The following RORB variants were observed in gnomAD, a reference collection of about 807,000 sequenced individuals.
RORB encodes nuclear receptor ROR-beta.
Under a neutral mutation model 59.1 loss-of-function variants are expected in RORB, and 6 were observed. The ratio of observed to expected loss-of-function variants is 0.10; its 90% CI spans 0.06 to 0.20. The LOEUF is 0.20. Among genes scored for constraint, RORB ranks in the 10% least tolerant of loss-of-function variants. RORB has a pLI of 1.00. For missense variants in RORB, 320 were observed against 560.5 expected (o/e 0.57, Z 4.33); for synonymous variants, 215 against 204.5 (o/e 1.05, Z -0.44).
intron 1 of RORB, among the ~76,000 whole-genome samples, chr9:74,526,430 T>C (rs1826157610): frequency 6.6e-6 from 1 of 151,838 alleles, no homozygotes; most frequent in Non-Finnish European, 1.5e-5. Flanking sequence ...CTTCCCCTGC[T>C]CAGTGCCTCC....
At chr9:74,671,103 G>T (rs1015018928) in intron 8 of RORB, among the ~76,000 whole-genome samples, 2 of 151,782 alleles carry the variant, frequency 1.3e-5, no homozygotes, top group African/African-American at 2.4e-5. Flanking sequence ...AAGGAGAGGG[G>T]ATGGAGGGAA....
At chr9:74,583,421 G>A (rs1822753856) in intron 1 of RORB, among the ~76,000 whole-genome samples, 1 of 151,818 alleles carries the variant, frequency 6.6e-6, no homozygotes, top group African/African-American at 2.4e-5. Flanking sequence ...TTTAAGGATG[G>A]TTTATATTTC....
In RORB at chr9:74,677,808, G is replaced by A. The variant is rs146556568; in HGVS notation, c.1224+5907G>A. 3.8e-3 allele frequency among the ~76,000 whole-genome samples: 580 copies of A among 152,316 alleles called. 4 individuals are homozygous for A. Among genetic ancestry groups the A allele is most frequent in the African/African-American group, 0.013 (533 of 41,568 alleles). On this transcript the variant is annotated intron_variant, in intron 9 of 9. Transcript: ENST00000376896. ...GTATTAATACAACATCATAGCCACAGCTTTCATATTGCAAAAGAAACATTC... is the reference window on the plus strand; with the variant it reads ...GTATTAATACAACATCATAGCCACAACTTTCATATTGCAAAAGAAACATTC...
intron 1 of RORB, among the ~76,000 whole-genome samples, chr9:74,609,116 G>A (rs1212222556): frequency 1.3e-5 from 2 of 152,180 alleles, no homozygotes; most frequent in African/African-American, 2.4e-5. Flanking sequence ...GGAATTAAAT[G>A]TTTAATTAGT....
rs965218741 is a variant in RORB at position 74,687,816 on chromosome 9, G to T, written c.*2198G>T. 6.6e-6 allele frequency: 1 copy of T among 152,138 alleles called. No homozygotes were observed. Among genetic ancestry groups the T allele is most frequent in the African/African-American group, 2.4e-5 (1 of 41,444 alleles). The allele number at this position is 152,138 out of a possible 1,614,324, so 9.4% of individuals were successfully genotyped here. On this transcript the variant is annotated 3_prime_UTR_variant, in exon 10 of 10. Transcript: ENST00000376896. ...GGAAGGCACTCAATTAAACCAAGCC[G>T]TTTCCAAATGCAATGTATGTTTTAT... is the stretch of plus-strand genomic sequence containing the variant.
intron 3 of RORB, 43 bp from the exon 4 acceptor site, chr9:74,642,371 T>C (rs188305838): frequency 3.2e-6 from 5 of 1,555,600 alleles, no homozygotes; most frequent in East Asian, 4.5e-5. Flanking sequence ...TTAACGCGAA[T>C]GATAACCACA....
At position 74,660,680 on chromosome 9, in the gene RORB, T is replaced by A; in HGVS notation, c.701T>A (p.Leu234Gln). The change falls in exon 5 of 10, where the codon CTG (leucine) becomes CAG (glutamine). Residue 234 changes from leucine to glutamine, a missense_variant. Physicochemically the swap from Leu to Gln is moderately radical, Grantham distance 113. Coordinates refer to ENST00000376896, the MANE Select transcript of RORB (RefSeq NM_006914.4). ...ACATGTCAATACACCATGGAAGAGC[T>A]GCACCAGCTGGCGTGGCAGACCCAC... ...LETCQYTMEE[L>Q]HQLAWQTHTY... 6.2e-7 allele frequency: 1 copy of A among 1,614,010 alleles called. No individual in the cohort carries two copies. The highest frequency in any genetic ancestry group is 8.5e-7 in the Non-Finnish European group (1 of 1,179,926).
At chr9:74,607,353 T>C (rs1050039381) in intron 1 of RORB, among the ~76,000 whole-genome samples, 7 of 152,180 alleles carry the variant, frequency 4.6e-5, no homozygotes, top group African/African-American at 1.2e-4. Flanking sequence ...TAAGGCAGGA[T>C]TGAAGTTCAC....
In RORB at chr9:74,549,603, A is replaced by T. The variant is rs553094452; in HGVS notation, c.7+51620A>T. 1.5e-4 allele frequency among the ~76,000 whole-genome samples: 8 copies of T among 54,960 alleles called. No individual in the cohort carries two copies. The South Asian group carries it at 4.1e-3, about 28-fold the overall frequency. The allele number at this position is 54,960 out of a possible 152,430, so 36.1% of individuals were successfully genotyped here. ...AAGGAAGGAAGGAAGGAAGGAAGGA[A>T]GGAAGAAAGGAAGGAAGGAAGGAAG... is the stretch of plus-strand genomic sequence containing the variant. On this transcript the variant is annotated intron_variant, in intron 1 of 9. Transcript: ENST00000376896.
rs1219682494 is a variant in RORB at position 74,571,413 on chromosome 9, A to AT, written c.8-58869_8-58868insT. Among the ~76,000 whole-genome samples the AT allele has an allele frequency of 4.0e-3, 610 of 152,036 alleles. 1 individual carries two copies. Among genetic ancestry groups the AT allele is most frequent in the African/African-American group, 0.014 (582 of 41,362 alleles). ...TGCTACTTTCCTTTAAAAAAAAAAA[A>AT]AAAACACAGTTTTAATTACTAGAGT... On this transcript the variant is annotated intron_variant, in intron 1 of 9. Coordinates refer to ENST00000376896, the MANE Select transcript of RORB (RefSeq NM_006914.4).
chr9:74,552,565 G>A (rs1826627988), intron 1 of RORB, among the ~76,000 whole-genome samples: 1 of 152,036 alleles, frequency 6.6e-6, no homozygotes, highest in African/African-American at 2.4e-5. Flanking sequence ...CAACATAAGT[G>A]TTTAGCTATC....
At chr9:74,602,659 T>C (rs1338522763) in intron 1 of RORB, among the ~76,000 whole-genome samples, 2 of 152,232 alleles carry the variant, frequency 1.3e-5, no homozygotes, top group African/African-American at 4.8e-5. Flanking sequence ...TCTTGAGTTA[T>C]GTAGCACCTT....
intron 1 of RORB, among the ~76,000 whole-genome samples, chr9:74,625,062 G>T (rs1166022230): frequency 6.6e-6 from 1 of 152,024 alleles, no homozygotes; most frequent in African/African-American, 2.4e-5. Flanking sequence ...AGAAAACAAA[G>T]ATGCTACAAG....
chr9:74,646,646 G>C (rs1355771689), intron 4 of RORB, among the ~76,000 whole-genome samples: 1 of 117,474 alleles, frequency 8.5e-6, no homozygotes, highest in African/African-American at 3.1e-5. Flanking sequence ...CTGAGACAGT[G>C]AGTGATATTC....
At chr9:74,598,100 T>C (rs1822999406) in intron 1 of RORB, among the ~76,000 whole-genome samples, 1 of 152,194 alleles carries the variant, frequency 6.6e-6, no homozygotes, top group Non-Finnish European at 1.5e-5. Flanking sequence ...TTGAATTCCA[T>C]ATATATTTTG....
At chr9:74,681,724 C>A (rs1824550462) in intron 9 of RORB, among the ~76,000 whole-genome samples, 1 of 152,072 alleles carries the variant, frequency 6.6e-6, no homozygotes, top group Non-Finnish European at 1.5e-5. Flanking sequence ...GGCAAATGAG[C>A]AACTATAAAA....
chr9:74,569,155 A>G lies in RORB; in HGVS notation c.8-61127A>G, dbSNP rs1822513681. Among the ~76,000 whole-genome samples, 6 of 152,138 alleles carry G rather than the reference A, an allele frequency of 3.9e-5. No homozygotes were observed. In the South Asian group the frequency reaches 1.2e-3, roughly 32 times the overall value. ...AAATGAAAAAAATTCTTAATAGATC[A>G]TTATAAAATGGAATTGTTATTATTG... On this transcript the variant is annotated intron_variant, in intron 1 of 9. Coordinates refer to ENST00000376896, the MANE Select transcript of RORB (RefSeq NM_006914.4).
intron 1 of RORB, among the ~76,000 whole-genome samples, chr9:74,539,868 CAAAAAAAA>C (rs11322021): frequency 2.6e-5 from 3 of 113,614 alleles, no homozygotes; most frequent in Non-Finnish European, 1.8e-5. Flanking sequence ...CTTAACCTCT[CAAAAAAAA>C]AAAAAAAAAA....
In RORB at chr9:74,518,846, AT is replaced by A. The variant is rs1158657600; in HGVS notation, c.7+20867del. On this transcript the variant is annotated intron_variant, in intron 1 of 9. Coordinates refer to ENST00000376896, the MANE Select transcript of RORB (RefSeq NM_006914.4). Reference sequence around the variant, plus strand: ...ATCCTGAACTACAGTGTCCTTTGTGATTTTAAAGTCTAGTAGACCTGTCCCC... The same window carrying A: ...ATCCTGAACTACAGTGTCCTTTGTGATTTAAAGTCTAGTAGACCTGTCCCC... Among the ~76,000 whole-genome samples the A allele has an allele frequency of 4.6e-5, 7 of 151,906 alleles. No homozygotes were observed. In the East Asian group the frequency reaches 1.2e-3, roughly 25 times the overall value.
Sources: gnomAD v4.1 joint callset for allele counts (sites outside exome capture counted in the v4.1 genomes callset) on GRCh38, gnomAD v4.1.1 for gene constraint, MANE v1.5 for transcripts, NCBI Gene and HGNC (gene_info 2026-07-23, HGNC 2026-07-21) for gene names.